Variants in TIMELESS observed in about 807,000 individuals in gnomAD.
The protein encoded by TIMELESS is timeless circadian regulator.
A neutral mutation model predicts 164.3 loss-of-function variants in TIMELESS; 124 were observed. The observed-to-expected ratio is 0.75, with a 90% confidence interval of 0.65 to 0.88. TIMELESS has a LOEUF of 0.88. Ranked by LOEUF, TIMELESS falls within the 40% of genes least tolerant of loss-of-function variation. The probability of loss-of-function intolerance (pLI) is 0.00; values close to 1 mark genes in which losing one functional copy is unlikely to be tolerated. For synonymous variants in TIMELESS, 564 were observed against 563.4 expected (o/e 1.00, Z -0.02); for missense variants, 1,422 against 1,491.4 (o/e 0.95, Z 0.77).
At chr12:56,425,736 A>ACGG (rs1175559191) in intron 13 of TIMELESS, among the ~76,000 whole-genome samples, 1 of 152,022 alleles carries the variant, frequency 6.6e-6, no homozygotes, top group Non-Finnish European at 1.5e-5. Context: ...TTAGCCAGGC[A>ACGG]TGGTGGTGTG....
At chr12:56,448,087 AGATGATCTACCTTTACTT>A (rs1220457379) in intron 1 of TIMELESS, among the ~76,000 whole-genome samples, 18 of 152,302 alleles carry the variant, frequency 1.2e-4, no homozygotes, top group East Asian at 9.6e-4. Flanking sequence ...ATTTAACATC[AGATGATCTACCTTTACTT>A]TGTACAAAGT....
At chr12:56,435,339 C>T (rs749010057) in intron 1 of TIMELESS, among the ~76,000 whole-genome samples, 86 of 151,992 alleles carry the variant, frequency 5.7e-4, no homozygotes, top group Non-Finnish European at 9.0e-4. Flanking sequence ...TCACTATCTC[C>T]CAAAGAATCA....
intron 26 of TIMELESS, among the ~76,000 whole-genome samples, chr12:56,419,032 C>T (rs915780300): frequency 6.9e-6 from 1 of 145,182 alleles, no homozygotes; most frequent in South Asian, 2.2e-4. Context: ...CAGAGTCTCA[C>T]TCTGTTGCCC....
intron 7 of TIMELESS, 120 bp from the exon 8 acceptor site, chr12:56,431,724 C>G (rs766130751): frequency 1.6e-6 from 2 of 1,262,596 alleles, no homozygotes; most frequent in African/African-American, 3.0e-5. Flanking sequence ...ATTGTGCTGT[C>G]GTTCTCCCTT....
Position 56,418,174 on chromosome 12 carries a change from C to T in TIMELESS, c.3414G>A (p.Leu1138=), listed in dbSNP as rs757586581. 1.2e-5 allele frequency: 20 copies of T among 1,614,126 alleles called. No homozygotes were observed. In the South Asian group the frequency reaches 2.2e-4, roughly 18 times the overall value. ...EHRAQALRAL[L]LAHKKKAGLA... ...GGCCCGCTTTCTTCTTGTGGGCTAG[C>T]AAGAGGGCCCTCAGGGCTTGTGCTC... The change falls in exon 27 of 29, where the codon TTG becomes TTA. Residue 1138 remains leucine, a synonymous_variant. Transcript: ENST00000553532.
chr12:56,437,887 C>A (rs1204512078), intron 1 of TIMELESS, among the ~76,000 whole-genome samples: 1 of 152,132 alleles, frequency 6.6e-6, no homozygotes, highest in Non-Finnish European at 1.5e-5. Flanking sequence ...CACTAAGCAA[C>A]ACACCCATCA....
chr12:56,424,947 G>A, intron 14 of TIMELESS, 34 bp from the exon 15 acceptor site: 1 of 1,614,046 alleles, frequency 6.2e-7, no homozygotes, highest in Non-Finnish European at 8.5e-7. Context: ...AGCGGAGGGA[G>A]TGGAAAACCC....
At chr12:56,421,272 A>G in intron 23 of TIMELESS, 79 bp downstream of exon 23, 1 of 1,583,506 alleles carries the variant, frequency 6.3e-7, no homozygotes, top group South Asian at 1.2e-5. Context: ...TCAGGCAGGA[A>G]GAATCCAGGT....
intron 1 of TIMELESS, among the ~76,000 whole-genome samples, chr12:56,441,855 G>C (rs1474032532): frequency 6.6e-6 from 1 of 152,066 alleles, no homozygotes; most frequent in East Asian, 1.9e-4. Context: ...AAGCCAAGGC[G>C]GGTGGATCAC....
In TIMELESS at chr12:56,429,073, G is replaced by T; in HGVS notation, c.1114C>A (p.Gln372Lys). 6.2e-7 allele frequency: 1 copy of T among 1,613,886 alleles called. No homozygotes were observed. Among genetic ancestry groups the T allele is most frequent in the Non-Finnish European group, 8.5e-7 (1 of 1,180,002 alleles). ...KDHLLREKAQ[Q>K]HDETYYMWAL... ...CACATATAATAGGTCTCATCATGCTGCTGAGCTTTCTCCCGAAGCAGGTGA... is the reference window on the plus strand; with the variant it reads ...CACATATAATAGGTCTCATCATGCTTCTGAGCTTTCTCCCGAAGCAGGTGA... The change falls in exon 11 of 29, where the codon CAG becomes AAG. Residue 372 changes from glutamine to lysine, a missense_variant. Transcript: ENST00000553532.
In TIMELESS at chr12:56,432,481, G is replaced by A. The variant is rs200274575; in HGVS notation, c.575C>T (p.Ala192Val). Residue 192 changes from alanine to valine, a missense_variant, in exon 7 of 29, where the codon GCG becomes GTG. By Grantham distance (64) the Ala-to-Val change is moderately conservative. Transcript: ENST00000553532. ...DASAHDQLLW[A>V]IHLSGLDDLL... ...GTCATCCAGGCCGCTGAGGTGAATC[G>A]CCCAGAGGAGCTGGTCATGGGCACT... is the stretch of plus-strand genomic sequence containing the variant. 199 of 1,614,156 alleles carry A rather than the reference G, an allele frequency of 1.2e-4. No homozygotes were observed. Among genetic ancestry groups the A allele is most frequent in the South Asian group, 1.8e-4 (16 of 91,082 alleles).
Position 56,431,498 on chromosome 12 carries a change from T to G in TIMELESS, c.794A>C (p.Lys265Thr), listed in dbSNP as rs145971608. 1 of 1,612,932 alleles carries G rather than the reference T, an allele frequency of 6.2e-7. No individual in the cohort carries two copies. Among genetic ancestry groups the G allele is most frequent in the African/African-American group, 1.3e-5 (1 of 74,950 alleles). The change falls in exon 8 of 29, where the codon AAG (lysine) becomes ACG (threonine). Residue 265 changes from lysine (K) to threonine (T), a missense_variant. Lys to Thr is a moderately conservative substitution (Grantham distance 78). Coordinates refer to ENST00000553532, the MANE Select transcript of TIMELESS (RefSeq NM_003920.5). ...GTTGCCTCGCTGGAGGGCTCGAGTCTTCTTTTCTGCCATCTCTCGCTGGCG... is the reference window on the plus strand; with the variant it reads ...GTTGCCTCGCTGGAGGGCTCGAGTCGTCTTTTCTGCCATCTCTCGCTGGCG... ...VLRQREMAEK[K>T]TRALQRGNRH...
Position 56,433,024 on chromosome 12 carries a change from A to C in TIMELESS, c.531+2T>G. On this transcript the variant is annotated splice_donor_variant, in intron 6 of 28. Transcript: ENST00000553532. LOFTEE classifies it high-confidence loss of function. ...AGAACACAGAACACCCAAGACCCTC[A>C]CCTTCTCCTGATCAAGGTCAGCTGG... 6.2e-7 allele frequency: 1 copy of C among 1,609,750 alleles called. No homozygotes were observed. Among genetic ancestry groups the C allele is most frequent in the Non-Finnish European group, 8.5e-7 (1 of 1,177,870 alleles).
chr12:56,444,672 A>AC (rs1868324825), intron 1 of TIMELESS, among the ~76,000 whole-genome samples: 1 of 151,990 alleles, frequency 6.6e-6, no homozygotes, highest in Non-Finnish European at 1.5e-5. Context: ...GCAGCCTCCC[A>AC]AAGTGCTGGG....
rs1468480777 is a variant in TIMELESS, at chr12:56,421,423, CA to C, written c.2795del (p.Leu932TrpfsTer32). The part of the protein sequence containing the change: ...RSRARIVDKL[L>X]ALGLVAERRE... Reference sequence around the variant, plus strand: ...GCCGCTCAGCCACCAGCCCCAGAGCCAAGAGTTTATCCACTATTCGGGCCCG... The same window carrying C: ...GCCGCTCAGCCACCAGCCCCAGAGCCAGAGTTTATCCACTATTCGGGCCCG... On this transcript the variant is annotated frameshift_variant, in exon 23 of 29. Coordinates refer to ENST00000553532, the MANE Select transcript of TIMELESS (RefSeq NM_003920.5). LOFTEE classifies it high-confidence loss of function. 6.2e-7 allele frequency: 1 copy of C among 1,614,066 alleles called. No homozygotes were observed. The highest frequency in any genetic ancestry group is 2.2e-5 in the East Asian group (1 of 44,876).
intron 26 of TIMELESS, among the ~76,000 whole-genome samples, chr12:56,418,759 TTTGTAGAGACAGGGTCTTGC>T (rs1460647880): frequency 1.3e-5 from 2 of 151,654 alleles, no homozygotes; most frequent in African/African-American, 2.4e-5. Context: ...CTTAAAATTT[TTTGTAGAGACAGGGTCTTGC>T]TGTGTTGCCC....
In TIMELESS at chr12:56,434,180, G is replaced by T; in HGVS notation, c.-10C>A. On this transcript the variant is annotated 5_prime_UTR_variant, in exon 2 of 29. Coordinates refer to ENST00000553532, the MANE Select transcript of TIMELESS (RefSeq NM_003920.5). ...TCATGTGCAAGTCCATACATCAGTG[G>T]ACCAACCAACAGAGAAGGAAGTGGA... The T allele has an allele frequency of 6.2e-7, 1 of 1,605,328 alleles. No homozygotes were observed. Among genetic ancestry groups the T allele is most frequent in the South Asian group, 1.1e-5 (1 of 90,880 alleles).
Position 56,418,128 on chromosome 12 carries a change from T to C in TIMELESS, c.3454+6A>G. On this transcript the variant is annotated splice_donor_region_variant and intron_variant, in intron 27 of 28. Transcript: ENST00000553532. Reference sequence around the variant, plus strand: ...AATACTCAGAAGATGGCTGTCGCACTATTACCCTCTGGGGATGCCAGGCCC... The same window carrying C: ...AATACTCAGAAGATGGCTGTCGCACCATTACCCTCTGGGGATGCCAGGCCC... The C allele has an allele frequency of 6.2e-7, 1 of 1,614,174 alleles. No homozygotes were observed. The highest frequency in any genetic ancestry group is 8.5e-7 in the Non-Finnish European group (1 of 1,179,988).
intron 5 of TIMELESS, 59 bp downstream of exon 5, chr12:56,433,322 G>C: frequency 1.3e-6 from 2 of 1,574,924 alleles, no homozygotes; most frequent in Non-Finnish European, 1.7e-6. Context: ...CTCCTCCTCT[G>C]CCCGGAGAAG....
Sources: gnomAD v4.1 joint callset for allele counts (sites outside exome capture counted in the v4.1 genomes callset) on GRCh38, gnomAD v4.1.1 for gene constraint, MANE v1.5 for transcripts, NCBI Gene and HGNC (gene_info 2026-07-23, HGNC 2026-07-21) for gene names.